Variants in PKP4 observed in about 807,000 individuals in gnomAD.
PKP4 encodes the protein plakophilin 4.
PKP4 carries 90 observed loss-of-function variants against 145.1 expected under a neutral mutation model. That is an observed-to-expected ratio of 0.62 (90% CI 0.52 to 0.74). The LOEUF (loss-of-function observed/expected upper bound fraction) is 0.74. Ranked by LOEUF, PKP4 falls within the 30% of genes least tolerant of loss-of-function variation. PKP4 has a pLI of 0.00. For synonymous variants in PKP4, 563 were observed against 577.2 expected (o/e 0.98, Z 0.35); for missense variants, 1,340 against 1,482.7 (o/e 0.90, Z 1.58).
rs144369902 is a variant in PKP4 at position 158,600,052 on chromosome 2, A to G, written c.246-3018A>G. ...AGAATTTTATAGTGATCTACAACAT[A>G]TTTTCATGTAATATTATGATGAAGG... On this transcript the variant is annotated intron_variant, in intron 3 of 21. Transcript: ENST00000389759. Among the ~76,000 whole-genome samples, 1,442 of 152,310 alleles carry G rather than the reference A, an allele frequency of 9.5e-3. 5 individuals are homozygous for G. Among genetic ancestry groups the G allele is most frequent in the Non-Finnish European group, 0.014 (926 of 68,022 alleles).
At chr2:158,566,542 A>G (rs2047005977) in intron 2 of PKP4, among the ~76,000 whole-genome samples, 1 of 152,038 alleles carries the variant, frequency 6.6e-6, no homozygotes, top group Admixed American at 6.5e-5. Flanking sequence ...TAATTTCTTA[A>G]GGTTTAAAGT....
At chr2:158,672,838 A>G (rs1474502324) in intron 17 of PKP4, among the ~76,000 whole-genome samples, 1 of 94,510 alleles carries the variant, frequency 1.1e-5, no homozygotes, top group Non-Finnish European at 2.1e-5. Context: ...TGAGAGTTTA[A>G]TTGGGAAGAT....
intron 3 of PKP4, among the ~76,000 whole-genome samples, chr2:158,581,536 G>A (rs567884237): frequency 3.3e-5 from 5 of 152,316 alleles, no homozygotes; most frequent in African/African-American, 9.6e-5. Flanking sequence ...GAAGAAGGAC[G>A]TGGCAGTGGC....
At chr2:158,620,095 C>CACA (rs1399927269) in intron 4 of PKP4, among the ~76,000 whole-genome samples, 1 of 152,044 alleles carries the variant, frequency 6.6e-6, no homozygotes, top group Non-Finnish European at 1.5e-5. Context: ...ACTTAATTAT[C>CACA]TTTGAAGTGA....
intron 4 of PKP4, among the ~76,000 whole-genome samples, chr2:158,611,658 A>G (rs1030695178): frequency 6.6e-6 from 1 of 152,204 alleles, no homozygotes; most frequent in Non-Finnish European, 1.5e-5. Flanking sequence ...AAGGAGATAC[A>G]GTAGGAAGTG....
chr2:158,617,936 A>G (rs907375554), intron 4 of PKP4, among the ~76,000 whole-genome samples: 1 of 152,224 alleles, frequency 6.6e-6, no homozygotes, highest in Non-Finnish European at 1.5e-5. Flanking sequence ...TAATCCCAGC[A>G]CTTTGGGAGG....
At chr2:158,473,863 T>C (rs1302481055) in intron 1 of PKP4, among the ~76,000 whole-genome samples, 1 of 152,226 alleles carries the variant, frequency 6.6e-6, no homozygotes, top group Non-Finnish European at 1.5e-5. Flanking sequence ...TTTTTTGCTT[T>C]GAAGCTAGCT....
At position 158,473,048 on chromosome 2, in the gene PKP4, C is replaced by T. The variant is rs113601196; in HGVS notation, c.-6+15830C>T. ...AGGACATCCATGTGGTCAACAAGCA[C>T]GTAAAAAAAAGCTCAGTATCACTGA... On this transcript the variant is annotated intron_variant, in intron 1 of 21. Coordinates refer to ENST00000389759, the MANE Select transcript of PKP4 (RefSeq NM_003628.6). 4.3e-3 allele frequency among the ~76,000 whole-genome samples: 660 copies of T among 152,082 alleles called. 6 individuals carry two copies. The highest frequency in any genetic ancestry group is 3.7e-3 in the Non-Finnish European group (252 of 67,994).
At chr2:158,674,861 C>G (rs2057871544) in intron 19 of PKP4, among the ~76,000 whole-genome samples, 1 of 152,178 alleles carries the variant, frequency 6.6e-6, no homozygotes, top group Admixed American at 6.5e-5. Flanking sequence ...TGCTGGCAGT[C>G]TTATTTCTCA....
intron 3 of PKP4, among the ~76,000 whole-genome samples, chr2:158,587,787 C>G (rs1370294578): frequency 6.6e-6 from 1 of 151,964 alleles, no homozygotes; most frequent in African/African-American, 2.4e-5. Flanking sequence ...CCCTTTGCCA[C>G]ATTTTCTCTT....
chr2:158,640,780 G>A, intron 10 of PKP4, 21 bp downstream of exon 10: 2 of 1,613,288 alleles, frequency 1.2e-6, no homozygotes, highest in Non-Finnish European at 1.7e-6. Context: ...TGGTGCCTGG[G>A]ATGACTGGGG....
intron 2 of PKP4, among the ~76,000 whole-genome samples, chr2:158,569,033 T>A (rs971073787): frequency 6.6e-6 from 1 of 152,190 alleles, no homozygotes; most frequent in African/African-American, 2.4e-5. Flanking sequence ...CTACCTGTCT[T>A]CTTTGAAGTT....
At chr2:158,554,976 T>A (rs1407151931) in intron 2 of PKP4, among the ~76,000 whole-genome samples, 1 of 76,450 alleles carries the variant, frequency 1.3e-5, no homozygotes, top group Non-Finnish European at 3.7e-5. Flanking sequence ...TTTACTTGTT[T>A]AAATAATCCT....
chr2:158,574,807 G>A (rs1339015491), intron 2 of PKP4, among the ~76,000 whole-genome samples: 1 of 152,096 alleles, frequency 6.6e-6, no homozygotes, highest in East Asian at 1.9e-4. Flanking sequence ...TCAGTATTAT[G>A]GGCTCTGCAT....
chr2:158,575,906 T>C (rs1354538592), intron 2 of PKP4, among the ~76,000 whole-genome samples: 1 of 152,238 alleles, frequency 6.6e-6, no homozygotes, highest in African/African-American at 2.4e-5. Flanking sequence ...GAACAATTTA[T>C]GTCTATCTAG....
chr2:158,620,529 A>G (rs1022552349), intron 4 of PKP4, among the ~76,000 whole-genome samples: 4 of 152,256 alleles, frequency 2.6e-5, no homozygotes, highest in Non-Finnish European at 5.9e-5. Flanking sequence ...ACTGTAAGTG[A>G]CATGAAATAT....
Position 158,619,637 on chromosome 2 carries a change from A to G in PKP4, c.281-1353A>G, listed in dbSNP as rs188680190. 7.0e-4 allele frequency among the ~76,000 whole-genome samples: 106 copies of G among 152,296 alleles called. 1 individual carries two copies. Among genetic ancestry groups the G allele is most frequent in the African/African-American group, 2.4e-3 (99 of 41,560 alleles). On this transcript the variant is annotated intron_variant, in intron 4 of 21. Coordinates refer to ENST00000389759, the MANE Select transcript of PKP4 (RefSeq NM_003628.6). ...TTGAACACAGTAAGGTAAAGCCACA[A>G]TGCAATGCCAGGCATGAGTCAGCAC...
intron 9 of PKP4, among the ~76,000 whole-genome samples, chr2:158,635,713 A>G (rs1371362397): frequency 1.3e-5 from 2 of 152,158 alleles, no homozygotes; most frequent in Non-Finnish European, 2.9e-5. Flanking sequence ...TGATAATTTC[A>G]TAGTCTAATG....
intron 2 of PKP4, among the ~76,000 whole-genome samples, chr2:158,539,587 C>G (rs940314201): frequency 6.6e-6 from 1 of 152,166 alleles, no homozygotes; most frequent in Non-Finnish European, 1.5e-5. Context: ...CAATTGGCAA[C>G]TTAGTTATTT....
Sources: allele counts gnomAD v4.1 joint callset (sites outside exome capture counted in the v4.1 genomes callset), GRCh38; gene constraint gnomAD v4.1.1; transcripts MANE v1.5; gene names NCBI Gene and HGNC (gene_info 2026-07-23, HGNC 2026-07-21).